Variants in FMN1 observed in about 807,000 individuals in gnomAD.
FMN1 encodes the protein formin-1.
In FMN1, 110 loss-of-function variants were observed where a neutral mutation model predicts 132.4. The ratio of observed to expected loss-of-function variants is 0.83; its 90% CI spans 0.71 to 0.97. The LOEUF is 0.97. Ranked by LOEUF, FMN1 falls within the 50% of genes least tolerant of loss-of-function variation. The pLI is 0.00. For missense variants in FMN1, 1,792 were observed against 1,705.3 expected (o/e 1.05, Z -0.90); for synonymous variants, 722 against 651.7 (o/e 1.11, Z -1.64).
chr15:32,968,211 C>T (rs1358985230), intron 8 of FMN1, among the ~76,000 whole-genome samples: 1 of 152,172 alleles, frequency 6.6e-6, no homozygotes, highest in African/African-American at 2.4e-5. Flanking sequence ...CTCCTCTGAT[C>T]TAAAGAACTA....
intron 19 of FMN1, among the ~76,000 whole-genome samples, chr15:32,788,972 A>C (rs1000009486): frequency 6.6e-6 from 1 of 152,236 alleles, no homozygotes; most frequent in Non-Finnish European, 1.5e-5. Context: ...AAAGCAACCC[A>C]TATGGGATAC....
intron 4 of FMN1, among the ~76,000 whole-genome samples, chr15:33,104,955 G>A (rs1208215292): frequency 1.3e-5 from 2 of 152,064 alleles, no homozygotes; most frequent in South Asian, 2.1e-4. Context: ...TAAGCAATAA[G>A]CAAAAGATAG....
intron 15 of FMN1, among the ~76,000 whole-genome samples, chr15:32,889,300 T>C (rs1183769527): frequency 6.6e-6 from 1 of 152,122 alleles, no homozygotes; most frequent in Non-Finnish European, 1.5e-5. Flanking sequence ...TTTTCCAGTC[T>C]AGCTAGCTTT....
At chr15:32,915,842 G>A (rs1024436366) in intron 10 of FMN1, among the ~76,000 whole-genome samples, 5 of 152,128 alleles carry the variant, frequency 3.3e-5, no homozygotes, top group Non-Finnish European at 5.9e-5. Context: ...CTGTCAGTTC[G>A]GTTAGAATAT....
chr15:32,904,530 G>A (rs557403441), intron 12 of FMN1, among the ~76,000 whole-genome samples: 21 of 152,256 alleles, frequency 1.4e-4, no homozygotes, highest in African/African-American at 5.1e-4. Context: ...AATCTTCCAA[G>A]AGGAAAGGTA....
chr15:33,102,307 G>A (rs1053992452), intron 4 of FMN1, among the ~76,000 whole-genome samples: 2 of 152,096 alleles, frequency 1.3e-5, no homozygotes, highest in Non-Finnish European at 2.9e-5. Flanking sequence ...AGGAGCTATT[G>A]TTGAAATGAG....
intron 9 of FMN1, among the ~76,000 whole-genome samples, chr15:32,928,547 A>G (rs1439966176): frequency 6.6e-6 from 1 of 152,232 alleles, no homozygotes; most frequent in East Asian, 1.9e-4. Flanking sequence ...TGACTGAGAC[A>G]GATCAAGTCG....
chr15:32,810,455 T>C (rs1013761299), intron 17 of FMN1, among the ~76,000 whole-genome samples: 2 of 152,190 alleles, frequency 1.3e-5, no homozygotes, highest in South Asian at 2.1e-4. Context: ...ACTAACACTA[T>C]AGGGAGGCAC....
chr15:32,866,916 T>G (rs1037417397), intron 16 of FMN1, among the ~76,000 whole-genome samples: 1 of 152,188 alleles, frequency 6.6e-6, no homozygotes, highest in African/African-American at 2.4e-5. Flanking sequence ...CTATGCAGCC[T>G]CATCTTCCTA....
chr15:33,077,123 A>G (rs1474053761), intron 5 of FMN1, among the ~76,000 whole-genome samples: 49 of 152,134 alleles, frequency 3.2e-4, no homozygotes, highest in Admixed American at 3.2e-3. Flanking sequence ...TCTGCCTCCC[A>G]GGGCGCAAGC....
chr15:32,921,691 T>TTTTC (rs2140325484), intron 10 of FMN1, among the ~76,000 whole-genome samples: 1 of 150,324 alleles, frequency 6.7e-6, no homozygotes, highest in South Asian at 2.1e-4. Flanking sequence ...TTTTTTTTTT[T>TTTTC]TCGAGATAAG....
Position 32,981,102 on chromosome 15 carries a change from A to G in FMN1, c.2224-11625T>C, listed in dbSNP as rs140453364. On this transcript the variant is annotated intron_variant, in intron 7 of 20. Transcript: ENST00000616417. ...AATTCTATTCAAACCCTGGGATTTT[A>G]AAAGGAAATTTTTTTTCAAAAAATG... is the stretch of plus-strand genomic sequence containing the variant. 4.1e-3 allele frequency among the ~76,000 whole-genome samples: 620 copies of G among 152,342 alleles called. 3 individuals are homozygous for G. Among genetic ancestry groups the G allele is most frequent in the African/African-American group, 0.014 (593 of 41,580 alleles).
chr15:32,803,333 G>A (rs1048315562), intron 18 of FMN1, among the ~76,000 whole-genome samples: 2 of 152,062 alleles, frequency 1.3e-5, no homozygotes, highest in Non-Finnish European at 2.9e-5. Flanking sequence ...GCTGTCTATT[G>A]CCACTCACTC....
chr15:32,989,191 C>A (rs2033277053), intron 7 of FMN1, among the ~76,000 whole-genome samples: 1 of 152,142 alleles, frequency 6.6e-6, no homozygotes, highest in Non-Finnish European at 1.5e-5. Flanking sequence ...TAATGCATTA[C>A]TGTGATGGCA....
intron 4 of FMN1, among the ~76,000 whole-genome samples, chr15:33,104,064 A>T (rs2039392599): frequency 6.6e-6 from 1 of 152,144 alleles, no homozygotes; most frequent in Non-Finnish European, 1.5e-5. Context: ...CTGTACTAAG[A>T]ATAAAATTGA....
At chr15:32,934,122 G>A (rs12902241) in intron 9 of FMN1, among the ~76,000 whole-genome samples, 63,635 of 151,718 alleles carry the variant, frequency 0.42, 13,771 homozygotes, top group African/African-American at 0.53. Context: ...TTTTGTTGTT[G>A]TATCTCCTAT....
chr15:32,798,431 GA>G (rs2140977384), intron 19 of FMN1, among the ~76,000 whole-genome samples: 1 of 152,156 alleles, frequency 6.6e-6, no homozygotes, highest in East Asian at 1.9e-4. Context: ...ATATTAATGG[GA>G]AAAGCATTCA....
chr15:32,969,717 T>C (rs1318296272), intron 7 of FMN1, among the ~76,000 whole-genome samples: 1 of 152,184 alleles, frequency 6.6e-6, no homozygotes, highest in Non-Finnish European at 1.5e-5. Flanking sequence ...CGGGAGATAA[T>C]TTTCATGGAT....
At chr15:32,801,423 C>T (rs766223374) in intron 18 of FMN1, among the ~76,000 whole-genome samples, 4 of 152,100 alleles carry the variant, frequency 2.6e-5, no homozygotes, top group Non-Finnish European at 5.9e-5. Flanking sequence ...CAGAGGATGG[C>T]CTGGCTTTGG....
Sources: gnomAD v4.1 joint callset for allele counts (sites outside exome capture counted in the v4.1 genomes callset) on GRCh38, gnomAD v4.1.1 for gene constraint, MANE v1.5 for transcripts, NCBI Gene and HGNC (gene_info 2026-07-23, HGNC 2026-07-21) for gene names.